EPHA5: variants seen among roughly 807,000 people sequenced by gnomAD.
EPHA5 encodes EPH receptor A5.
In EPHA5, 60 loss-of-function variants were observed where a neutral mutation model predicts 105.0. The ratio of observed to expected loss-of-function variants is 0.57; its 90% CI spans 0.46 to 0.71. The LOEUF (loss-of-function observed/expected upper bound fraction) is 0.71. Among genes scored for constraint, EPHA5 ranks in the 30% least tolerant of loss-of-function variants. The pLI is 0.00. For missense variants in EPHA5, 1,218 were observed against 1,274.7 expected, an observed-to-expected ratio of 0.96 and a Z score of 0.68; for synonymous variants, 513 against 449.1, an observed-to-expected ratio of 1.14 and a Z score of -1.80.
chr4:65,399,345 C>T (rs1721585836), intron 8 of EPHA5, among the ~76,000 whole-genome samples: 1 of 152,196 alleles, frequency 6.6e-6, no homozygotes, highest in African/African-American at 2.4e-5. Flanking sequence ...CTCATGCACC[C>T]CTCACTGCTC....
At chr4:65,476,910 A>G (rs1729874823) in intron 5 of EPHA5, among the ~76,000 whole-genome samples, 1 of 152,136 alleles carries the variant, frequency 6.6e-6, no homozygotes, top group Admixed American at 6.5e-5. Flanking sequence ...TCAAGCATAA[A>G]CAACAAAAAA....
At chr4:65,376,167 A>G (rs548515125) in intron 8 of EPHA5, among the ~76,000 whole-genome samples, 15 of 152,080 alleles carry the variant, frequency 9.9e-5, no homozygotes, top group African/African-American at 3.4e-4. Context: ...AAAAGCCCCT[A>G]GGAAACTCTA....
In EPHA5 at chr4:65,331,182, CAG is replaced by C. The variant is rs1280066642; in HGVS notation, c.2945+789_2945+790del. 13 of 1,026,788 alleles carry C rather than the reference CAG, an allele frequency of 1.3e-5. No individual in the cohort carries two copies. The East Asian group carries it at 6.9e-4, about 54-fold the overall frequency. The allele number at this position is 1,026,788 out of a possible 1,614,324, so 63.6% of individuals were successfully genotyped here. On this transcript the variant is annotated intron_variant, in intron 16 of 16. Transcript: ENST00000613740. ...TTGAAGTAAGTTATCATTATATTCA[CAG>C]GTTAAAACATTAATGTTAATGTAAT...
intron 3 of EPHA5, among the ~76,000 whole-genome samples, chr4:65,507,041 T>A (rs866080112): frequency 1.3e-5 from 2 of 152,046 alleles, no homozygotes; most frequent in African/African-American, 2.4e-5. Flanking sequence ...ATTAATTTTT[T>A]TATAAGGTGT....
At chr4:65,400,987 T>C (rs1007746522) in intron 8 of EPHA5, among the ~76,000 whole-genome samples, 1 of 151,916 alleles carries the variant, frequency 6.6e-6, no homozygotes, top group Non-Finnish European at 1.5e-5. Context: ...ATATTCCAGA[T>C]ATTAGAAAGT....
intron 5 of EPHA5, among the ~76,000 whole-genome samples, chr4:65,452,440 T>C (rs1489793111): frequency 6.6e-6 from 1 of 152,114 alleles, no homozygotes; most frequent in African/African-American, 2.4e-5. Flanking sequence ...AGAAAACTTA[T>C]TTTGTAGTGT....
intron 3 of EPHA5, among the ~76,000 whole-genome samples, chr4:65,528,488 G>T (rs952687808): frequency 3.3e-5 from 5 of 151,814 alleles, no homozygotes; most frequent in African/African-American, 1.2e-4. Context: ...AGTTTTCCCT[G>T]TTGCTTAAAA....
chr4:65,479,813 A>G (rs1377272955), intron 5 of EPHA5, among the ~76,000 whole-genome samples: 1 of 152,202 alleles, frequency 6.6e-6, no homozygotes, highest in Non-Finnish European at 1.5e-5. Context: ...TAAGCTATAC[A>G]ACCATTAAAT....
intron 5 of EPHA5, among the ~76,000 whole-genome samples, chr4:65,467,398 T>C (rs1478040566): frequency 6.6e-6 from 1 of 152,128 alleles, no homozygotes; most frequent in Non-Finnish European, 1.5e-5. Context: ...CCATTAAGGG[T>C]GGAATACTTG....
chr4:65,347,178 G>A (rs543181686), intron 14 of EPHA5, among the ~76,000 whole-genome samples: 44 of 12,568 alleles, frequency 3.5e-3, no homozygotes, highest in East Asian at 0.01. Flanking sequence ...GAAATAATGC[G>A]AGTGAAAAAG....
At position 65,367,490 on chromosome 4, in the gene EPHA5, AGC is replaced by A. The variant is rs1420971924; in HGVS notation, c.1794-68_1794-67del. On this transcript the variant is annotated intron_variant, in intron 8 of 16. Transcript: ENST00000613740. ...GTGAATCAGTCACATCAAGCCCAGA[AGC>A]ATGAAGCACAACTGAAATTATTGCA... 100 of 1,443,278 alleles carry A rather than the reference AGC, an allele frequency of 6.9e-5. No individual in the cohort carries two copies. In the African/African-American group the frequency reaches 1.1e-3, roughly 15 times the overall value. 89.4% of individuals were successfully genotyped at this position (1,443,278 alleles called of 1,614,324 possible).
chr4:65,486,459 C>A (rs951880847), intron 5 of EPHA5, among the ~76,000 whole-genome samples: 3 of 152,158 alleles, frequency 2.0e-5, no homozygotes, highest in African/African-American at 4.8e-5. Flanking sequence ...CAAAGGGATG[C>A]ATTTCCTGTA....
chr4:65,528,274 C>A (rs966193111), intron 3 of EPHA5, among the ~76,000 whole-genome samples: 8 of 152,014 alleles, frequency 5.3e-5, no homozygotes, highest in Non-Finnish European at 1.2e-4. Context: ...GAAATGAGCA[C>A]CTTCTAAATG....
intron 5 of EPHA5, among the ~76,000 whole-genome samples, chr4:65,434,815 A>G (rs1223369506): frequency 1.3e-5 from 2 of 152,148 alleles, no homozygotes; most frequent in Non-Finnish European, 1.5e-5. Flanking sequence ...GTTATGTTGA[A>G]ATCAAAACAC....
chr4:65,465,523 GAAAGAAAAGA>G (rs767930431), intron 5 of EPHA5, among the ~76,000 whole-genome samples: 4,971 of 84,776 alleles, frequency 0.059, 120 homozygotes, highest in Middle Eastern at 0.11. Flanking sequence ...AAGAAAGAAA[GAAAGAAAAGA>G]AAGGAAAGGA....
intron 3 of EPHA5, among the ~76,000 whole-genome samples, chr4:65,566,362 C>T (rs1457530676): frequency 6.6e-6 from 1 of 151,744 alleles, no homozygotes; most frequent in African/African-American, 2.4e-5. Flanking sequence ...AGTTGCATCA[C>T]ACAAATTGAC....
At chr4:65,613,831 T>G (rs1432756788) in intron 2 of EPHA5, among the ~76,000 whole-genome samples, 1 of 152,030 alleles carries the variant, frequency 6.6e-6, no homozygotes, top group Non-Finnish European at 1.5e-5. Context: ...TTATGTTTTT[T>G]GATCATTAAT....
At chr4:65,591,905 G>A (rs773208316) in intron 3 of EPHA5, among the ~76,000 whole-genome samples, 6 of 151,898 alleles carry the variant, frequency 4.0e-5, no homozygotes, top group Non-Finnish European at 8.8e-5. Context: ...TAAATGAAAC[G>A]TATCTTTTAA....
intron 3 of EPHA5, among the ~76,000 whole-genome samples, chr4:65,584,702 A>C (rs1741947592): frequency 6.6e-6 from 1 of 151,956 alleles, no homozygotes; most frequent in South Asian, 2.1e-4. Context: ...GTTTGTGGAC[A>C]TGTACATTTT....
Sources: gnomAD v4.1 joint callset for allele counts (sites outside exome capture counted in the v4.1 genomes callset) on GRCh38, gnomAD v4.1.1 for gene constraint, MANE v1.5 for transcripts, NCBI Gene and HGNC (gene_info 2026-07-23, HGNC 2026-07-21) for gene names.